Variants in GALNT13 observed in about 807,000 individuals in gnomAD.
GALNT13 encodes the protein UDP-GalNAc:polypeptide N-acetylgalactosaminyltransferase 13.
In GALNT13, 28 loss-of-function variants were observed where a neutral mutation model predicts 64.2. The observed-to-expected ratio is 0.44, with a 90% confidence interval of 0.32 to 0.60. GALNT13 has a LOEUF of 0.60. Among genes scored for constraint, GALNT13 ranks in the 20% least tolerant of loss-of-function variants. GALNT13 has a pLI of 0.05. For synonymous variants in GALNT13, 214 were observed against 224.6 expected (o/e 0.95, Z 0.42); for missense variants, 577 against 669.8 (o/e 0.86, Z 1.53).
At chr2:153,152,957 A>G in the GALNT13 span, among the ~76,000 whole-genome samples, 1 of 152,126 alleles carries the variant, frequency 6.6e-6, no homozygotes, top group Non-Finnish European at 1.5e-5. Flanking sequence ...TGGCATTTCT[A>G]TCTTCAGGTT....
the GALNT13 span, among the ~76,000 whole-genome samples, chr2:153,682,498 T>G: frequency 1.3e-5 from 2 of 151,710 alleles, no homozygotes; most frequent in Non-Finnish European, 3.0e-5. Context: ...CTCTGCAAAC[T>G]GTGCACACTT....
chr2:154,137,530 T>C (rs1683024688), intron 3 of GALNT13, among the ~76,000 whole-genome samples: 1 of 152,142 alleles, frequency 6.6e-6, no homozygotes, highest in Non-Finnish European at 1.5e-5. Context: ...TTAATTTCAT[T>C]GATTATGATA....
chr2:153,912,827 T>G (rs1357522829), intron 2 of GALNT13, among the ~76,000 whole-genome samples: 1 of 152,196 alleles, frequency 6.6e-6, no homozygotes, highest in Non-Finnish European at 1.5e-5. Context: ...AATACTTGTA[T>G]GCATGGTGCC....
chr2:153,081,476 T>C, the GALNT13 span, among the ~76,000 whole-genome samples: 1 of 152,312 alleles, frequency 6.6e-6, no homozygotes, highest in African/African-American at 2.4e-5. Context: ...TTTCTGTTTT[T>C]TCCTACGCAT....
At chr2:153,770,023 CTTCTTTAAAATGAACATTTTGAGTTTTT>C in the GALNT13 span, among the ~76,000 whole-genome samples, 5 of 152,236 alleles carry the variant, frequency 3.3e-5, no homozygotes, top group East Asian at 9.7e-4. Flanking sequence ...TCTCATTTAG[CTTCTTTAAAATGAACATTTTGAGTTTTT>C]TATGTGGTAT....
In GALNT13 at chr2:154,259,008, T is replaced by G; in HGVS notation, c.858-13T>G. 7.2e-7 allele frequency: 1 copy of G among 1,393,848 alleles called. No homozygotes were observed. The highest frequency in any genetic ancestry group is 1.0e-6 in the Non-Finnish European group (1 of 982,040). 86.3% of individuals were successfully genotyped at this position (1,393,848 alleles called of 1,614,324 possible). On this transcript the variant is annotated splice_polypyrimidine_tract_variant and intron_variant, in intron 7 of 12. Transcript: ENST00000392825. ...CAAAAGATATTCTTTTCTTTTTGTT[T>G]TTTTTCAACTAGGACCCCTACTATG...
chr2:153,990,466 T>A (rs1421128081), intron 3 of GALNT13, among the ~76,000 whole-genome samples: 1 of 152,182 alleles, frequency 6.6e-6, no homozygotes, highest in Non-Finnish European at 1.5e-5. Flanking sequence ...GTAACTAATA[T>A]GCACTTTCAG....
chr2:153,838,198 T>C, the GALNT13 span, among the ~76,000 whole-genome samples: 1 of 152,024 alleles, frequency 6.6e-6, no homozygotes, highest in Non-Finnish European at 1.5e-5. Flanking sequence ...ATTCTATAGG[T>C]GGCCTTTTCA....
chr2:153,808,088 G>T, the GALNT13 span, among the ~76,000 whole-genome samples: 2 of 152,116 alleles, frequency 1.3e-5, no homozygotes, highest in Non-Finnish European at 2.9e-5. Context: ...ATAGCCCAAA[G>T]CGCTGTAGTT....
At chr2:153,162,461 T>A in the GALNT13 span, among the ~76,000 whole-genome samples, 1 of 152,124 alleles carries the variant, frequency 6.6e-6, no homozygotes, top group Non-Finnish European at 1.5e-5. Context: ...CTTTTTCTCC[T>A]CCCCGAAACT....
the GALNT13 span, among the ~76,000 whole-genome samples, chr2:153,816,498 T>C: frequency 8.5e-5 from 13 of 152,198 alleles, no homozygotes; most frequent in Non-Finnish European, 1.8e-4. Flanking sequence ...TTAAATGCAG[T>C]GAAAACTGTA....
At chr2:154,166,973 G>A (rs2105686518) in intron 4 of GALNT13, among the ~76,000 whole-genome samples, 1 of 151,450 alleles carries the variant, frequency 6.6e-6, no homozygotes, top group African/African-American at 2.4e-5. Flanking sequence ...ACCGGGGCCT[G>A]TTGTGGGGTG....
At chr2:154,419,583 A>G (rs1427642110) in intron 11 of GALNT13, among the ~76,000 whole-genome samples, 1 of 152,122 alleles carries the variant, frequency 6.6e-6, no homozygotes, top group Non-Finnish European at 1.5e-5. Flanking sequence ...ATTTCATGGG[A>G]TCCTACATTG....
chr2:153,103,174 A>C, the GALNT13 span, among the ~76,000 whole-genome samples: 1 of 152,078 alleles, frequency 6.6e-6, no homozygotes, highest in African/African-American at 2.4e-5. Flanking sequence ...AGAAGAATAA[A>C]CGTTTTACCA....
chr2:153,698,997 G>A, the GALNT13 span, among the ~76,000 whole-genome samples: 1 of 152,134 alleles, frequency 6.6e-6, no homozygotes, highest in Non-Finnish European at 1.5e-5. Flanking sequence ...GGCCAAGGCA[G>A]GCGGATCACG....
chr2:153,087,642 A>G, the GALNT13 span, among the ~76,000 whole-genome samples: 6 of 151,944 alleles, frequency 3.9e-5, no homozygotes, highest in African/African-American at 1.4e-4. Context: ...TTTTATTGCC[A>G]TTTCAATTCA....
the GALNT13 span, among the ~76,000 whole-genome samples, chr2:153,557,648 G>A: frequency 1.3e-5 from 2 of 152,252 alleles, no homozygotes; most frequent in African/African-American, 4.8e-5. Flanking sequence ...CTAAAATAGT[G>A]TTCTAAAGAC....
chr2:153,157,284 G>A, the GALNT13 span, among the ~76,000 whole-genome samples: 6 of 152,288 alleles, frequency 3.9e-5, no homozygotes, highest in East Asian at 9.7e-4. Flanking sequence ...GTCCACAGGT[G>A]TTTAGCTGAA....
intron 2 of GALNT13, among the ~76,000 whole-genome samples, chr2:153,924,312 T>A (rs1007589603): frequency 1.5e-4 from 22 of 151,298 alleles, no homozygotes; most frequent in African/African-American, 4.6e-4. Flanking sequence ...ACATGTGATA[T>A]TTGGTTTTCT....
Sources: allele counts gnomAD v4.1 joint callset (sites outside exome capture counted in the v4.1 genomes callset), GRCh38; gene constraint gnomAD v4.1.1; transcripts MANE v1.5; gene names NCBI Gene and HGNC (gene_info 2026-07-23, HGNC 2026-07-21).